Variants in UTS2 observed in about 807,000 individuals in gnomAD.
UTS2 encodes urotensin 2, also known as urotensin-2.
UTS2 carries 10 observed loss-of-function variants against 12.6 expected under a neutral mutation model. The ratio of observed to expected loss-of-function variants is 0.80; its 90% confidence interval spans 0.49 to 1.35. The LOEUF (loss-of-function observed/expected upper bound fraction) is 1.35, where lower values mean the gene tolerates loss of function less well. UTS2 is among the 40% of genes most tolerant of loss of function. UTS2 has a pLI of 0.00. For synonymous variants in UTS2, 52 were observed against 50.0 expected, an observed-to-expected ratio of 1.04 and a Z score of -0.17; for missense variants, 142 against 143.2, an observed-to-expected ratio of 0.99 and a Z score of 0.04.
the UTS2 span, among the ~76,000 whole-genome samples, chr1:7,905,988 G>A: frequency 3.3e-5 from 5 of 151,826 alleles, no homozygotes; most frequent in African/African-American, 9.7e-5. Flanking sequence ...CAGCCAGTGG[G>A]TGGGTGGGGG....
chr1:7,912,912 TTCTC>T, the UTS2 span, among the ~76,000 whole-genome samples: 2 of 151,824 alleles, frequency 1.3e-5, no homozygotes, highest in African/African-American at 4.8e-5. Flanking sequence ...TATTTTTTTT[TTCTC>T]TCTCTCTCTC....
intron 3 of UTS2, among the ~76,000 whole-genome samples, chr1:7,849,036 G>C (rs1463704514): frequency 6.6e-6 from 1 of 152,106 alleles, no homozygotes; most frequent in Admixed American, 6.5e-5. Context: ...ATGTTAGATG[G>C]TGAATGAGAG....
chr1:7,863,115 ATTGTAT>A, the UTS2 span, among the ~76,000 whole-genome samples: 1 of 133,242 alleles, frequency 7.5e-6, no homozygotes, highest in Non-Finnish European at 1.6e-5. Flanking sequence ...ATTGTATTGT[ATTGTAT>A]TGTATTTGAG....
the UTS2 span, among the ~76,000 whole-genome samples, chr1:7,898,255 TG>T: frequency 6.6e-6 from 1 of 152,030 alleles, no homozygotes; most frequent in African/African-American, 2.4e-5. Flanking sequence ...CCCCCAAAAG[TG>T]GAGGCAGGGG....
chr1:7,853,085 G>C, upstream of UTS2: 22 of 1,517,068 alleles, frequency 1.5e-5, no homozygotes, highest in Non-Finnish European at 1.9e-5. Flanking sequence ...CCTGCTCACT[G>C]ATTATATATA....
chr1:7,910,941 T>C, the UTS2 span, among the ~76,000 whole-genome samples: 4 of 151,634 alleles, frequency 2.6e-5, no homozygotes, highest in Non-Finnish European at 4.4e-5. Context: ...ATAGGCCTCA[T>C]TAACCCTCAT....
the UTS2 span, among the ~76,000 whole-genome samples, chr1:7,867,857 C>T: frequency 6.6e-5 from 10 of 151,940 alleles, no homozygotes; most frequent in Admixed American, 1.3e-4. Context: ...GCCTGGGCAA[C>T]GGAGCAAGAC....
At chr1:7,901,573 GC>G in the UTS2 span, among the ~76,000 whole-genome samples, 1 of 151,496 alleles carries the variant, frequency 6.6e-6, no homozygotes, top group African/African-American at 2.4e-5. Flanking sequence ...ACATACAGCT[GC>G]TATATACTTG....
intron 3 of UTS2, among the ~76,000 whole-genome samples, chr1:7,848,221 G>T (rs1276140682): frequency 6.6e-6 from 1 of 152,106 alleles, no homozygotes; most frequent in African/African-American, 2.4e-5. Flanking sequence ...GCTGAGGTGG[G>T]CAGATCACTT....
At chr1:7,882,071 A>C in the UTS2 span, among the ~76,000 whole-genome samples, 1 of 152,162 alleles carries the variant, frequency 6.6e-6, no homozygotes, top group African/African-American at 2.4e-5. Context: ...GTGGTGGCAT[A>C]TGTGTGTAAC....
the UTS2 span, among the ~76,000 whole-genome samples, chr1:7,869,913 G>A: frequency 1.3e-5 from 2 of 152,210 alleles, no homozygotes; most frequent in Non-Finnish European, 2.9e-5. Context: ...TTTAGTTACT[G>A]AGAACATTAA....
chr1:7,907,250 CAAAACA>C, the UTS2 span, among the ~76,000 whole-genome samples: 1 of 151,532 alleles, frequency 6.6e-6, no homozygotes, highest in Admixed American at 6.6e-5. Flanking sequence ...GAGACTGTCT[CAAAACA>C]AAAACAAAAA....
At chr1:7,902,295 TCTCTGGG>T in the UTS2 span, among the ~76,000 whole-genome samples, 2 of 152,116 alleles carry the variant, frequency 1.3e-5, no homozygotes, top group African/African-American at 4.8e-5. Flanking sequence ...AATTATCTTC[TCTCTGGG>T]CTCTGGGCAG....
the UTS2 span, among the ~76,000 whole-genome samples, chr1:7,869,537 G>C: frequency 6.6e-6 from 1 of 152,188 alleles, no homozygotes; most frequent in African/African-American, 2.4e-5. Flanking sequence ...CCTTTCTAGG[G>C]GACCTTGTGG....
At chr1:7,866,113 G>A in the UTS2 span, among the ~76,000 whole-genome samples, 8 of 152,160 alleles carry the variant, frequency 5.3e-5, no homozygotes, top group African/African-American at 1.4e-4. This position sits in a 1 kb window ranked among gnomAD's most constrained non-coding sequence, Gnocchi z 4.5. Flanking sequence ...CGTCATGGTC[G>A]ACCACGCTGA....
the UTS2 span, among the ~76,000 whole-genome samples, chr1:7,861,204 G>A: frequency 6.6e-6 from 1 of 152,162 alleles, no homozygotes; most frequent in Non-Finnish European, 1.5e-5. Flanking sequence ...CTGGCAAGGT[G>A]ACGTTACCTG....
intron 2 of UTS2, among the ~76,000 whole-genome samples, chr1:7,849,952 C>G (rs1317077634): frequency 6.7e-6 from 1 of 148,750 alleles, no homozygotes; most frequent in Admixed American, 7.0e-5. Context: ...TAAACAATAC[C>G]TATCTTAAAA....
At chr1:7,896,087 A>T in the UTS2 span, among the ~76,000 whole-genome samples, 1 of 152,344 alleles carries the variant, frequency 6.6e-6, no homozygotes, top group South Asian at 2.1e-4. Flanking sequence ...GCTCCTGAAA[A>T]TGCTTCCCAA....
the UTS2 span, among the ~76,000 whole-genome samples, chr1:7,880,430 AG>A: frequency 2.6e-4 from 11 of 41,900 alleles, no homozygotes; most frequent in African/African-American, 8.0e-4. Flanking sequence ...GGGAGGGGGG[AG>A]GGGGGCGGCG....
Sources: gnomAD v4.1 joint callset for allele counts (sites outside exome capture counted in the v4.1 genomes callset) on GRCh38, gnomAD v4.1.1 for gene constraint, Gnocchi (gnomAD v3.1) non-coding constraint, MANE v1.5 for transcripts, NCBI Gene and HGNC (gene_info 2026-07-23, HGNC 2026-07-21) for gene names.